DIAPH1: variants seen among roughly 807,000 people sequenced by gnomAD.
The protein encoded by DIAPH1 is diaphanous related formin 1, also known as protein diaphanous homolog 1.
A neutral mutation model predicts 140.7 loss-of-function variants in DIAPH1; 46 were observed. The observed-to-expected ratio is 0.33, with a 90% CI of 0.26 to 0.42. The LOEUF (loss-of-function observed/expected upper bound fraction) is 0.42, where lower values mean the gene tolerates loss of function less well. Ranked by LOEUF, DIAPH1 falls within the 10% of genes least tolerant of loss-of-function variation. DIAPH1 has a pLI of 1.00. For synonymous variants in DIAPH1, 565 were observed against 551.6 expected (o/e 1.02, Z -0.34); for missense variants, 1,310 against 1,558.7 (o/e 0.84, Z 2.69).
rs914490951 is a variant in DIAPH1 at position 141,519,088 on chromosome 5, G to A, written c.3662-2080C>T. ...CATAGGTATGTGCCCGAGACTGTGGGATTTTCACAAAACCATTTATTGGAT... is the reference window on the plus strand; with the variant it reads ...CATAGGTATGTGCCCGAGACTGTGGAATTTTCACAAAACCATTTATTGGAT... On this transcript the variant is annotated intron_variant, in intron 27 of 27. Coordinates refer to ENST00000389054, the MANE Select transcript of DIAPH1 (RefSeq NM_005219.5). 1.7e-5 allele frequency: 20 copies of A among 1,192,712 alleles called. No homozygotes were observed. In the African/African-American group the frequency reaches 2.9e-4, roughly 17 times the overall value. 73.9% of individuals were successfully genotyped at this position (1,192,712 alleles called of 1,614,324 possible). A position where few individuals can be genotyped will look rare whatever the true frequency, so the allele number is the denominator to read the frequency against.
chr5:141,535,961 TA>T, intron 18 of DIAPH1: 1 of 461,750 alleles, frequency 2.2e-6, no homozygotes, highest in Non-Finnish European at 4.5e-6. Flanking sequence ...AAACAAGAAT[TA>T]AAACAAAAAA....
chr5:141,516,774 T>G lies in DIAPH1; in HGVS notation c.*77A>C. The stretch of plus-strand genomic sequence containing the variant: ...TGGCCACCCCAGAGGAATATCCCCT[T>G]GAGCCTTTAGGCACATGCTGCAGGG... On this transcript the variant is annotated 3_prime_UTR_variant, in exon 28 of 28. Transcript: ENST00000389054. The G allele has an allele frequency of 2.5e-6, 4 of 1,570,744 alleles. No homozygotes were observed. Among genetic ancestry groups the G allele is most frequent in the South Asian group, 1.1e-5 (1 of 89,428 alleles).
At chr5:141,556,459 C>T (rs1186882371) in intron 18 of DIAPH1, among the ~76,000 whole-genome samples, 1 of 152,172 alleles carries the variant, frequency 6.6e-6, no homozygotes, top group African/African-American at 2.4e-5. Context: ...CCATGTTCTC[C>T]GTTGACGGCA....
At chr5:141,604,532 A>C (rs1303161877) in intron 1 of DIAPH1, among the ~76,000 whole-genome samples, 1 of 152,186 alleles carries the variant, frequency 6.6e-6, no homozygotes, top group East Asian at 1.9e-4. Flanking sequence ...TGATGTGAGT[A>C]GCAGGACATC....
chr5:141,596,056 G>A (rs991486090), intron 1 of DIAPH1, among the ~76,000 whole-genome samples: 1 of 152,132 alleles, frequency 6.6e-6, no homozygotes, highest in Non-Finnish European at 1.5e-5. Flanking sequence ...TGGGCCAGCC[G>A]CGGTGGCTCA....
At position 141,618,952 on chromosome 5, in the gene DIAPH1, C is replaced by G. The variant is rs745883691; in HGVS notation, c.-38G>C. 2.4e-6 allele frequency: 3 copies of G among 1,257,380 alleles called. No homozygotes were observed. The highest frequency in any genetic ancestry group is 3.2e-5 in the South Asian group (2 of 63,306). The allele number at this position is 1,257,380 out of a possible 1,614,324, so 77.9% of individuals were successfully genotyped here. On this transcript the variant is annotated 5_prime_UTR_variant, in exon 1 of 28. Coordinates refer to ENST00000389054, the MANE Select transcript of DIAPH1 (RefSeq NM_005219.5). Reference sequence around the variant, plus strand: ...GCTGGCCGGCGACCCCGCGCCTACGCCGCTCCCGCCTGGCAGCTCCGCGCC... The same window carrying G: ...GCTGGCCGGCGACCCCGCGCCTACGGCGCTCCCGCCTGGCAGCTCCGCGCC...
At position 141,578,716 on chromosome 5, in the gene DIAPH1, C is replaced by T. The variant is rs1038024161; in HGVS notation, c.934-91G>A. 22 of 958,300 alleles carry T rather than the reference C, an allele frequency of 2.3e-5. No homozygotes were observed. The South Asian group carries it at 2.9e-4, about 13-fold the overall frequency. 59.4% of individuals were successfully genotyped at this position (958,300 alleles called of 1,614,324 possible). On this transcript the variant is annotated intron_variant, in intron 9 of 27. Transcript: ENST00000389054. ...TACATGCATTCTTAGGTCCCCAATA[C>T]AACCTGAAAGATACAATACAAAAAC... is the stretch of plus-strand genomic sequence containing the variant.
intron 18 of DIAPH1, among the ~76,000 whole-genome samples, chr5:141,556,736 G>A (rs1176048954): frequency 1.3e-5 from 2 of 151,990 alleles, no homozygotes; most frequent in East Asian, 1.9e-4. Flanking sequence ...CTGTCACCCA[G>A]GCTTGAGTGC....
chr5:141,517,026 A>C lies in DIAPH1; in HGVS notation c.3662-18T>G, dbSNP rs779307746. 6.2e-7 allele frequency: 1 copy of C among 1,614,076 alleles called. No homozygotes were observed. Among genetic ancestry groups the C allele is most frequent in the South Asian group, 1.1e-5 (1 of 91,072 alleles). On this transcript the variant is annotated intron_variant, in intron 27 of 27. Coordinates refer to ENST00000389054, the MANE Select transcript of DIAPH1 (RefSeq NM_005219.5). ...CCTGTTGGCTGCAAGAGAAGACGAGAGATTCTGTCTATGGAAGGCCTCATT... is the reference window on the plus strand; with the variant it reads ...CCTGTTGGCTGCAAGAGAAGACGAGCGATTCTGTCTATGGAAGGCCTCATT...
rs760749827 is a variant in DIAPH1 at position 141,577,582 on chromosome 5, A to G, written c.1173T>C (p.Asn391=). 3 of 1,606,446 alleles carry G rather than the reference A, an allele frequency of 1.9e-6. No individual in the cohort carries two copies. Among genetic ancestry groups the G allele is most frequent in the Non-Finnish European group, 2.6e-6 (3 of 1,173,030 alleles). The change falls in exon 12 of 28, where the codon AAT becomes AAC. Residue 391 remains asparagine, a synonymous_variant. Transcript: ENST00000389054. Reference sequence around the variant, plus strand: ...TGTTTAAGAGAATCTGAAAGACTTCATTAAAGTCAGTGGAAAAGGGAAATA... The same window carrying G: ...TGTTTAAGAGAATCTGAAAGACTTCGTTAAAGTCAGTGGAAAAGGGAAATA... ...DDIRMEMDDF[N]EVFQILLNTV... is the part of the protein sequence containing the mutation.
intron 7 of DIAPH1, 178 bp downstream of exon 7, chr5:141,582,134 C>A (rs2099896869): frequency 8.6e-5 from 27 of 314,744 alleles, no homozygotes; most frequent in Middle Eastern, 4.2e-4. Flanking sequence ...GAAGTTAGAA[C>A]TGAGAAAAAA....
intron 18 of DIAPH1, among the ~76,000 whole-genome samples, chr5:141,539,635 T>C (rs1038139732): frequency 2.0e-4 from 30 of 152,136 alleles, no homozygotes; most frequent in African/African-American, 7.2e-4. Context: ...ATTCAGATTG[T>C]TTATTTTTTC....
At chr5:141,560,182 A>G (rs575092117) in intron 18 of DIAPH1, among the ~76,000 whole-genome samples, 7 of 152,326 alleles carry the variant, frequency 4.6e-5, no homozygotes, top group African/African-American at 1.7e-4. Context: ...AAAATTTAAA[A>G]TTCCCTCTTA....
intron 1 of DIAPH1, among the ~76,000 whole-genome samples, chr5:141,590,630 C>CT: frequency 6.6e-6 from 1 of 152,160 alleles, no homozygotes; most frequent in East Asian, 1.9e-4. Flanking sequence ...AAAGAGTTCC[C>CT]TCAGAACCAA....
rs886060031 is a variant in DIAPH1, at chr5:141,516,318, C to T, written c.*533G>A. 15 of 174,730 alleles carry T rather than the reference C, an allele frequency of 8.6e-5. No individual in the cohort carries two copies. The highest frequency in any genetic ancestry group is 2.5e-5 in the Non-Finnish European group (2 of 80,118). 10.8% of individuals were successfully genotyped at this position (174,730 alleles called of 1,614,324 possible). A position where few individuals can be genotyped will look rare whatever the true frequency, so the allele number is the denominator to read the frequency against. ...GCTCCCTGCTTCCTTAGGAGCAGCT[C>T]CCAGTGCCACACCACTAATAATAAA... On this transcript the variant is annotated 3_prime_UTR_variant, in exon 28 of 28. Coordinates refer to ENST00000389054, the MANE Select transcript of DIAPH1 (RefSeq NM_005219.5).
rs1048951973 is a variant in DIAPH1 at position 141,593,774 on chromosome 5, C to G, written c.118-5524G>C. Among the ~76,000 whole-genome samples the G allele has an allele frequency of 2.6e-5, 4 of 152,306 alleles. No individual in the cohort carries two copies. In the South Asian group the frequency reaches 8.3e-4, roughly 32 times the overall value. On this transcript the variant is annotated intron_variant, in intron 1 of 27. Coordinates refer to ENST00000389054, the MANE Select transcript of DIAPH1 (RefSeq NM_005219.5). ...CTACTAGAATAGCCAAAATCCACAA[C>G]ACGGATGATGCCAAATGCTTGCAAA...
At chr5:141,539,549 C>T (rs770268924) in intron 18 of DIAPH1, among the ~76,000 whole-genome samples, 4 of 150,010 alleles carry the variant, frequency 2.7e-5, no homozygotes, top group East Asian at 4.0e-4. Flanking sequence ...GGATTACAGG[C>T]GTGAGCCACC....
chr5:141,527,130 G>GGGGA (rs2099887470), intron 24 of DIAPH1, among the ~76,000 whole-genome samples: 1 of 152,148 alleles, frequency 6.6e-6, no homozygotes. Context: ...GGTACAGGCA[G>GGGGA]GGGAGTTGGT....
At chr5:141,581,632 G>A (rs2154596532) in intron 7 of DIAPH1, among the ~76,000 whole-genome samples, 1 of 152,250 alleles carries the variant, frequency 6.6e-6, no homozygotes, top group African/African-American at 2.4e-5. Flanking sequence ...TCACTAGGTT[G>A]AATTACTAAA....
Sources: gnomAD v4.1 joint callset for allele counts (sites outside exome capture counted in the v4.1 genomes callset) on GRCh38, gnomAD v4.1.1 for gene constraint, MANE v1.5 for transcripts, NCBI Gene and HGNC (gene_info 2026-07-23, HGNC 2026-07-21) for gene names.